SLCO1C1: variants seen among roughly 807,000 people sequenced by gnomAD.
SLCO1C1 encodes OAT-RP-5.
A neutral mutation model predicts 76.4 loss-of-function variants in SLCO1C1; 70 were observed. The observed-to-expected ratio is 0.92, with a 90% CI of 0.76 to 1.12. The LOEUF (loss-of-function observed/expected upper bound fraction) is 1.12, where lower values mean the gene tolerates loss of function less well. SLCO1C1 is among the 50% of genes most tolerant of loss of function. The probability of loss-of-function intolerance (pLI) is 0.00; values close to 1 mark genes in which losing one functional copy is unlikely to be tolerated. For synonymous variants in SLCO1C1, 306 were observed against 286.1 expected, an observed-to-expected ratio of 1.07 and a Z score of -0.70; for missense variants, 912 against 823.8, an observed-to-expected ratio of 1.11 and a Z score of -1.31.
At chr12:20,741,385 A>C (rs560440612) in intron 12 of SLCO1C1, among the ~76,000 whole-genome samples, 4 of 152,262 alleles carry the variant, frequency 2.6e-5, no homozygotes, top group Admixed American at 2.6e-4. Context: ...TTTTATCATA[A>C]GTTTAAATAG....
At chr12:20,708,456 G>A (rs113601569) in intron 4 of SLCO1C1, among the ~76,000 whole-genome samples, 29 of 152,246 alleles carry the variant, frequency 1.9e-4, no homozygotes, top group African/African-American at 6.5e-4. Context: ...GAACTATAGA[G>A]AAAAATAACC....
intron 13 of SLCO1C1, among the ~76,000 whole-genome samples, chr12:20,746,881 A>G (rs562513934): frequency 6.6e-6 from 1 of 152,242 alleles, no homozygotes; most frequent in East Asian, 1.9e-4. Context: ...AGAGTCATCA[A>G]CTAAATACAA....
chr12:20,725,791 A>G (rs964978155), intron 9 of SLCO1C1, among the ~76,000 whole-genome samples: 4 of 151,914 alleles, frequency 2.6e-5, no homozygotes, highest in Non-Finnish European at 5.9e-5. Flanking sequence ...GTTGCCCCAC[A>G]TGCTTATCAA....
At chr12:20,700,088 C>CT (rs35830344) in intron 2 of SLCO1C1, 5,288 of 148,456 alleles carry the variant, frequency 0.036, 125 homozygotes, top group Middle Eastern at 0.073. Context: ...AGAAGAGTTG[C>CT]TTTTTTTTTT....
intron 5 of SLCO1C1, among the ~76,000 whole-genome samples, chr12:20,713,678 A>G (rs1947240577): frequency 6.6e-6 from 1 of 152,214 alleles, no homozygotes; most frequent in Non-Finnish European, 1.5e-5. Flanking sequence ...GCAACAATCT[A>G]CAGCAGAGCT....
At chr12:20,726,721 G>T (rs1446036414) in intron 9 of SLCO1C1, among the ~76,000 whole-genome samples, 2 of 151,656 alleles carry the variant, frequency 1.3e-5, no homozygotes, top group Non-Finnish European at 2.9e-5. Flanking sequence ...GTTTTATTTT[G>T]GAATAGGGAG....
chr12:20,708,599 T>G (rs1363319326), intron 4 of SLCO1C1, among the ~76,000 whole-genome samples: 1 of 152,122 alleles, frequency 6.6e-6, no homozygotes, highest in Non-Finnish European at 1.5e-5. Flanking sequence ...GACAGTCATG[T>G]GGATATCTGG....
chr12:20,721,845 G>C lies in SLCO1C1; in HGVS notation c.817G>C (p.Ala273Pro), dbSNP rs144470559. The C allele has an allele frequency of 6.2e-7, 1 of 1,614,036 alleles. No individual in the cohort carries two copies. The highest frequency in any genetic ancestry group is 8.5e-7 in the Non-Finnish European group (1 of 1,180,024). ...CCCAAAAGATCCCCAGTGGGTAGGA[G>C]CCTGGTGGCTTGGCTATCTAATAGC... is the stretch of plus-strand genomic sequence containing the variant. ...ITPKDPQWVGAWWLGYLIAGI... is the reference protein window; with the variant it reads ...ITPKDPQWVGPWWLGYLIAGI... Residue 273 changes from alanine (A) to proline (P), a missense_variant, in exon 8 of 15, where the codon GCC becomes CCC. By Grantham distance (27) the Ala-to-Pro change is conservative (BLOSUM62 -1). Transcript: ENST00000266509.
intron 6 of SLCO1C1, among the ~76,000 whole-genome samples, chr12:20,715,793 A>G (rs372100108): frequency 1.3e-5 from 2 of 152,302 alleles, no homozygotes; most frequent in East Asian, 3.9e-4. Context: ...AGTATATAAA[A>G]AATAAAAGCA....
At chr12:20,701,831 G>T (rs1946541647) in intron 3 of SLCO1C1, among the ~76,000 whole-genome samples, 1 of 151,762 alleles carries the variant, frequency 6.6e-6, no homozygotes, top group South Asian at 2.1e-4. Context: ...CAATTTTAGA[G>T]GTGTGGAATA....
intron 13 of SLCO1C1, 30 bp downstream of exon 13, chr12:20,743,399 TA>T: frequency 6.5e-7 from 1 of 1,538,736 alleles, no homozygotes; most frequent in Non-Finnish European, 9.0e-7. Context: ...TAATTTATGG[TA>T]GACACCGTAA....
chr12:20,706,273 A>G (rs1314416583), intron 4 of SLCO1C1, among the ~76,000 whole-genome samples, 192 bp downstream of exon 4: 1 of 152,164 alleles, frequency 6.6e-6, no homozygotes, highest in Non-Finnish European at 1.5e-5. Context: ...TAAAAAATTG[A>G]TAGATTACTG....
At chr12:20,735,121 ATAAAG>A (rs1200872653) in intron 10 of SLCO1C1, among the ~76,000 whole-genome samples, 1 of 152,234 alleles carries the variant, frequency 6.6e-6, no homozygotes, top group African/African-American at 2.4e-5. Flanking sequence ...TTTCAATACT[ATAAAG>A]TATTTTTCTT....
At chr12:20,744,912 T>TAC (rs1210394223) in intron 13 of SLCO1C1, among the ~76,000 whole-genome samples, 2 of 152,142 alleles carry the variant, frequency 1.3e-5, no homozygotes, top group East Asian at 3.9e-4. Flanking sequence ...TAAACTGTAG[T>TAC]ACACACACGT....
chr12:20,727,471 CAT>C (rs1948070947), intron 9 of SLCO1C1, among the ~76,000 whole-genome samples: 2 of 152,086 alleles, frequency 1.3e-5, no homozygotes, highest in Non-Finnish European at 2.9e-5. Context: ...AGCATTTCTT[CAT>C]ATCTTTGTTA....
At chr12:20,705,090 C>G (rs1946710414) in intron 3 of SLCO1C1, among the ~76,000 whole-genome samples, 1 of 151,880 alleles carries the variant, frequency 6.6e-6, no homozygotes, top group African/African-American at 2.4e-5. Flanking sequence ...TAACCGTTTC[C>G]TGTCAGTATT....
In SLCO1C1 at chr12:20,695,410, A is replaced by G. The variant is rs1565491859; in HGVS notation, c.-423A>G. ...TCACAAGTGGTCTTTTCTTTTATTCACTCTCTCCCATAAAGAAAGCTTTAT... is the reference window on the plus strand; with the variant it reads ...TCACAAGTGGTCTTTTCTTTTATTCGCTCTCTCCCATAAAGAAAGCTTTAT... On this transcript the variant is annotated 5_prime_UTR_variant, in exon 1 of 15. Coordinates refer to ENST00000266509, the MANE Select transcript of SLCO1C1 (RefSeq NM_017435.5). The G allele has an allele frequency of 6.6e-6, 1 of 151,980 alleles. No individual in the cohort carries two copies. The highest frequency in any genetic ancestry group is 1.5e-5 in the Non-Finnish European group (1 of 67,986). The allele number at this position is 151,980 out of a possible 1,614,324, so 9.4% of individuals were successfully genotyped here.
At chr12:20,697,323 A>G (rs1056990039) in intron 1 of SLCO1C1, 6 of 152,084 alleles carry the variant, frequency 3.9e-5, no homozygotes, top group South Asian at 2.1e-4. Flanking sequence ...GAATATTGCA[A>G]TTTAAGCCAG....
intron 12 of SLCO1C1, among the ~76,000 whole-genome samples, chr12:20,741,099 G>C (rs1195417961): frequency 6.6e-6 from 1 of 151,896 alleles, no homozygotes; most frequent in Non-Finnish European, 1.5e-5. Context: ...AGTACAGAGG[G>C]AAGAGGGAAG....
Sources: allele counts gnomAD v4.1 joint callset (sites outside exome capture counted in the v4.1 genomes callset), GRCh38; gene constraint gnomAD v4.1.1; transcripts MANE v1.5; gene names NCBI Gene and HGNC (gene_info 2026-07-23, HGNC 2026-07-21).